Variants in VIRMA observed in about 807,000 individuals in gnomAD.
The protein encoded by VIRMA is protein virilizer homolog.
Under a neutral mutation model 182.4 loss-of-function variants are expected in VIRMA, and 65 were observed. The observed-to-expected ratio is 0.36, with a 90% CI of 0.29 to 0.44. The LOEUF is 0.44. Among genes scored for constraint, VIRMA ranks in the 20% least tolerant of loss-of-function variants. VIRMA has a pLI of 1.00. For synonymous variants in VIRMA, 709 were observed against 743.1 expected (o/e 0.95, Z 0.75); for missense variants, 1,752 against 2,158.1 (o/e 0.81, Z 3.73).
intron 2 of VIRMA, among the ~76,000 whole-genome samples, chr8:94,540,635 T>A (rs1016316655): frequency 8.6e-5 from 13 of 151,956 alleles, no homozygotes; most frequent in Non-Finnish European, 1.8e-4. Context: ...CTGATTTTTG[T>A]ATTTTTAGTA....
chr8:94,491,444 A>C, intron 22 of VIRMA, 134 bp downstream of exon 22: 1 of 763,024 alleles, frequency 1.3e-6, no homozygotes, highest in Admixed American at 2.8e-5. Flanking sequence ...AAACAGTACC[A>C]CTAGTCCAGA....
At chr8:94,545,769 T>C (rs1364636073) in intron 1 of VIRMA, among the ~76,000 whole-genome samples, 1 of 152,002 alleles carries the variant, frequency 6.6e-6, no homozygotes, top group Non-Finnish European at 1.5e-5. Context: ...TTCACAAAAG[T>C]GCAGGCTGGG....
intron 3 of VIRMA, among the ~76,000 whole-genome samples, chr8:94,537,965 T>C (rs541735130): frequency 6.6e-6 from 1 of 152,308 alleles, no homozygotes. Context: ...GAATCAAAGA[T>C]ATTTTCCAAA....
intron 9 of VIRMA, among the ~76,000 whole-genome samples, chr8:94,518,236 T>C (rs553384915): frequency 6.6e-6 from 1 of 152,346 alleles, no homozygotes; most frequent in South Asian, 2.1e-4. Flanking sequence ...TCATTAGTAA[T>C]GAAAGGTTAG....
intron 1 of VIRMA, among the ~76,000 whole-genome samples, chr8:94,545,223 A>G (rs545239506): frequency 7.2e-5 from 11 of 152,362 alleles, no homozygotes; most frequent in African/African-American, 2.4e-4. Flanking sequence ...TTAGGCAAAT[A>G]TAATTCTTGT....
chr8:94,518,933 TA>T (rs1410627202), intron 9 of VIRMA, 51 bp downstream of exon 9: 13 of 1,472,496 alleles, frequency 8.8e-6, no homozygotes, highest in Non-Finnish European at 1.2e-5. Flanking sequence ...GACCATTAGT[TA>T]ATCTGATTTT....
chr8:94,518,884 T>C (rs1476954060), intron 9 of VIRMA, 101 bp downstream of exon 9: 2 of 1,091,996 alleles, frequency 1.8e-6, no homozygotes, highest in Admixed American at 2.3e-5. Flanking sequence ...AAAACTATAG[T>C]TTTTCCCTCT....
At chr8:94,518,482 T>A (rs986675400) in intron 9 of VIRMA, among the ~76,000 whole-genome samples, 2 of 152,210 alleles carry the variant, frequency 1.3e-5, no homozygotes, top group African/African-American at 4.8e-5. Context: ...ATTTGCCTTG[T>A]GTGACATGAA....
At position 94,543,807 on chromosome 8, in the gene VIRMA, T is replaced by A; in HGVS notation, c.179+20A>T. On this transcript the variant is annotated intron_variant, in intron 2 of 23. Coordinates refer to ENST00000297591, the MANE Select transcript of VIRMA (RefSeq NM_015496.5). ...ACAATCTTTAACCAAAAAATACTTT[T>A]AAAAAGAGAGTTGACTTACCCATAT... is the stretch of plus-strand genomic sequence containing the variant. The A allele has an allele frequency of 7.5e-7, 1 of 1,333,878 alleles. No homozygotes were observed. The allele number at this position is 1,333,878 out of a possible 1,614,324, so 82.6% of individuals were successfully genotyped here. A position where few individuals can be genotyped will look rare whatever the true frequency, so the allele number is the denominator to read the frequency against.
chr8:94,504,052 T>C (rs960494404), intron 16 of VIRMA, among the ~76,000 whole-genome samples: 5 of 152,084 alleles, frequency 3.3e-5, no homozygotes, highest in African/African-American at 4.8e-5. Context: ...TGCATGCCTG[T>C]AGTCCCAGCT....
chr8:94,498,595 C>T (rs1383066576), intron 17 of VIRMA: 1 of 152,262 alleles, frequency 6.6e-6, no homozygotes, highest in Non-Finnish European at 1.5e-5. Context: ...CAATCTTAGC[C>T]TCTCAAATAG....
At chr8:94,518,340 C>T (rs1311282875) in intron 9 of VIRMA, among the ~76,000 whole-genome samples, 2 of 152,180 alleles carry the variant, frequency 1.3e-5, no homozygotes, top group East Asian at 3.8e-4. Context: ...CAGTATTCCA[C>T]TATAAACCTG....
At chr8:94,544,604 T>C (rs965896309) in intron 1 of VIRMA, among the ~76,000 whole-genome samples, 3 of 143,058 alleles carry the variant, frequency 2.1e-5, no homozygotes, top group African/African-American at 7.9e-5. Context: ...GAGCTTGCAG[T>C]GTGCTGAGAT....
rs1814965392 is a variant in VIRMA, at chr8:94,526,357, G to A, written c.1887C>T (p.Asn629=). ...TTAAATGAAAAACTTCTTCTAGGAG[G>A]TTAATAAGCCTTTCTATTTCCCCTT... ...ISEGEIERLI[N]LLEEVFHLME... Residue 629 remains asparagine, a synonymous_variant, in exon 8 of 24, where the codon AAC becomes AAT. Coordinates refer to ENST00000297591, the MANE Select transcript of VIRMA (RefSeq NM_015496.5). 4 of 1,613,962 alleles carry A rather than the reference G, an allele frequency of 2.5e-6. No individual in the cohort carries two copies. The South Asian group carries it at 4.4e-5, about 18-fold the overall frequency.
At chr8:94,549,155 CT>C (rs1815884867) in intron 1 of VIRMA, among the ~76,000 whole-genome samples, 1 of 152,220 alleles carries the variant, frequency 6.6e-6, no homozygotes, top group African/African-American at 2.4e-5. Flanking sequence ...AACTGCTTAT[CT>C]TCTGAACTCA....
chr8:94,511,113 A>T, intron 13 of VIRMA, 72 bp downstream of exon 13: 1 of 1,539,740 alleles, frequency 6.5e-7, no homozygotes, highest in African/African-American at 1.4e-5. Context: ...TTTGTTTTTT[A>T]ACAAAATCAC....
At chr8:94,490,301 G>T (rs1475996190) in intron 22 of VIRMA, 1 of 497,548 alleles carries the variant, frequency 2.0e-6, no homozygotes, top group Non-Finnish European at 3.5e-6. Context: ...GTATTTATGT[G>T]CCCTGGTCAG....
At chr8:94,543,087 T>C (rs1815620397) in intron 2 of VIRMA, among the ~76,000 whole-genome samples, 1 of 151,984 alleles carries the variant, frequency 6.6e-6, no homozygotes, top group African/African-American at 2.4e-5. Context: ...TCTGTATTTT[T>C]AGTAGAGACG....
intron 8 of VIRMA, among the ~76,000 whole-genome samples, chr8:94,520,772 T>C (rs72674843): frequency 0.24 from 36,527 of 152,102 alleles, 5,389 homozygotes; most frequent in East Asian, 0.5. Flanking sequence ...TTGCAGACAG[T>C]GAGGGATGAC....
Sources: allele counts gnomAD v4.1 joint callset (sites outside exome capture counted in the v4.1 genomes callset), GRCh38; gene constraint gnomAD v4.1.1; transcripts MANE v1.5; gene names NCBI Gene and HGNC (gene_info 2026-07-23, HGNC 2026-07-21).